The following TMEM132B variants were observed in gnomAD, a reference collection of about 807,000 sequenced individuals.
TMEM132B encodes the protein transmembrane protein 132B.
TMEM132B carries 18 observed loss-of-function variants against 90.8 expected under a neutral mutation model. The observed-to-expected ratio is 0.20, with a 90% CI of 0.14 to 0.29. The LOEUF is 0.29. Ranked by LOEUF, TMEM132B falls within the 10% of genes least tolerant of loss-of-function variation. TMEM132B has a pLI of 1.00. For synonymous variants in TMEM132B, 504 were observed against 523.3 expected, an observed-to-expected ratio of 0.96 and a Z score of 0.50; for missense variants, 1,096 against 1,326.8, an observed-to-expected ratio of 0.83 and a Z score of 2.70.
At chr12:125,461,417 T>C (rs928076354) in intron 3 of TMEM132B, among the ~76,000 whole-genome samples, 1 of 152,146 alleles carries the variant, frequency 6.6e-6, no homozygotes, top group Non-Finnish European at 1.5e-5. Flanking sequence ...TGATCACAGG[T>C]AATGAGACTG....
intron 5 of TMEM132B, among the ~76,000 whole-genome samples, chr12:125,637,378 G>A (rs536879670): frequency 7.2e-5 from 11 of 152,194 alleles, no homozygotes; most frequent in Admixed American, 2.6e-4. Flanking sequence ...ACAAATCCCA[G>A]TCAACTTAGA....
intron 3 of TMEM132B, among the ~76,000 whole-genome samples, chr12:125,451,856 GA>G (rs921245461): frequency 1.3e-5 from 2 of 152,186 alleles, no homozygotes; most frequent in South Asian, 4.1e-4. Context: ...AGGATATCAG[GA>G]AAAAACTCAG....
chr12:125,489,124 CTT>C (rs1436764090), intron 3 of TMEM132B, among the ~76,000 whole-genome samples: 3 of 152,192 alleles, frequency 2.0e-5, no homozygotes, highest in African/African-American at 7.2e-5. Flanking sequence ...GCAATGATCT[CTT>C]TAATTTTCTC....
intron 3 of TMEM132B, among the ~76,000 whole-genome samples, chr12:125,491,489 C>T (rs1450980390): frequency 6.6e-6 from 1 of 152,188 alleles, no homozygotes; most frequent in African/African-American, 2.4e-5. Flanking sequence ...CCGCAGCTCA[C>T]CAAGGGTTTC....
chr12:125,332,275 CTAT>C (rs1193168570), intron 1 of TMEM132B, among the ~76,000 whole-genome samples: 3 of 152,094 alleles, frequency 2.0e-5, no homozygotes, highest in African/African-American at 4.8e-5. Context: ...CTAGCAATGA[CTAT>C]TATTATTATT....
At chr12:125,264,657 C>T (rs1184206496) in intron 1 of TMEM132B, among the ~76,000 whole-genome samples, 1 of 152,208 alleles carries the variant, frequency 6.6e-6, no homozygotes, top group Non-Finnish European at 1.5e-5. Flanking sequence ...ACAGCTGGTG[C>T]ACAACTGTTG....
chr12:125,260,530 G>A (rs561695602), intron 1 of TMEM132B, among the ~76,000 whole-genome samples: 2,051 of 135,726 alleles, frequency 0.015, 50 homozygotes, highest in African/African-American at 0.052. Context: ...TTTTTTTTTC[G>A]TAGAAACAAG....
At chr12:125,439,260 A>G (rs114700041) in intron 3 of TMEM132B, among the ~76,000 whole-genome samples, 2,115 of 152,264 alleles carry the variant, frequency 0.014, 53 homozygotes, top group African/African-American at 0.048. Context: ...GCTCTGGGCA[A>G]GGTGGCCATT....
chr12:125,605,041 A>G (rs1279138906), intron 5 of TMEM132B, among the ~76,000 whole-genome samples: 1 of 152,204 alleles, frequency 6.6e-6, no homozygotes, highest in African/African-American at 2.4e-5. Flanking sequence ...AAGAAACACA[A>G]AAGGAAAAAC....
chr12:125,582,290 A>ATTG (rs954451744), intron 4 of TMEM132B, among the ~76,000 whole-genome samples: 13 of 149,154 alleles, frequency 8.7e-5, no homozygotes, highest in African/African-American at 2.7e-4. Flanking sequence ...TATTATTATT[A>ATTG]TTATTATTAT....
chr12:125,642,215 C>T (rs1169361221), intron 5 of TMEM132B, among the ~76,000 whole-genome samples: 1 of 152,156 alleles, frequency 6.6e-6, no homozygotes. Context: ...AGCATTGTGT[C>T]AGCATCTATT....
At chr12:125,346,985 T>G (rs913042775) in intron 1 of TMEM132B, among the ~76,000 whole-genome samples, 3 of 152,238 alleles carry the variant, frequency 2.0e-5, no homozygotes, top group Non-Finnish European at 4.4e-5. Context: ...TTGGGCTGCT[T>G]CCAGTGTGTT....
chr12:125,245,728 T>A (rs1216297740), intron 1 of TMEM132B, among the ~76,000 whole-genome samples: 1 of 152,104 alleles, frequency 6.6e-6, no homozygotes, highest in Non-Finnish European at 1.5e-5. Flanking sequence ...CCTGGCAGCA[T>A]TGGTTCTTCT....
intron 1 of TMEM132B, among the ~76,000 whole-genome samples, chr12:125,319,477 G>A (rs1876371769): frequency 6.6e-6 from 1 of 152,228 alleles, no homozygotes. Context: ...CCTCTCTTCT[G>A]CTGTGGCCAC....
intron 1 of TMEM132B, among the ~76,000 whole-genome samples, chr12:125,322,569 T>G (rs1876458379): frequency 6.6e-6 from 1 of 152,184 alleles, no homozygotes; most frequent in Non-Finnish European, 1.5e-5. Flanking sequence ...GTGTAGGAAG[T>G]ATTCTAAAAC....
intron 2 of TMEM132B, among the ~76,000 whole-genome samples, chr12:125,389,013 TACACACACACACACAC>T (rs71447042): frequency 4.3e-5 from 6 of 140,192 alleles, no homozygotes; most frequent in East Asian, 2.2e-4. Flanking sequence ...ATATTTTCTG[TACACACACACACACAC>T]ACACACACAC....
intron 5 of TMEM132B, among the ~76,000 whole-genome samples, chr12:125,608,733 A>C (rs1265832323): frequency 6.6e-6 from 1 of 152,214 alleles, no homozygotes; most frequent in Non-Finnish European, 1.5e-5. Context: ...ATTTAGAATT[A>C]GTTTTTATGT....
At chr12:125,477,529 AT>A (rs58215887) in intron 3 of TMEM132B, among the ~76,000 whole-genome samples, 41,032 of 150,760 alleles carry the variant, frequency 0.27, 6,078 homozygotes, top group East Asian at 0.51. Flanking sequence ...AAGAACCTAA[AT>A]TTTTTTTTTC....
chr12:125,622,101 G>A (rs965889609), intron 5 of TMEM132B, among the ~76,000 whole-genome samples: 1 of 152,086 alleles, frequency 6.6e-6, no homozygotes, highest in African/African-American at 2.4e-5. Context: ...GCAGTCCCAT[G>A]TCCTGTCATT....
Sources: gnomAD v4.1 joint callset for allele counts (sites outside exome capture counted in the v4.1 genomes callset) on GRCh38, gnomAD v4.1.1 for gene constraint, MANE v1.5 for transcripts, NCBI Gene and HGNC (gene_info 2026-07-23, HGNC 2026-07-21) for gene names.